BTLA: variants seen among roughly 807,000 people sequenced by gnomAD.
The protein encoded by BTLA is B- and T-lymphocyte attenuator.
BTLA carries 11 observed loss-of-function variants against 25.0 expected under a neutral mutation model. That is an observed-to-expected ratio of 0.44 (90% CI 0.28 to 0.73). The LOEUF (loss-of-function observed/expected upper bound fraction) is 0.73, where lower values mean the gene tolerates loss of function less well. Ranked by LOEUF, BTLA falls within the 30% of genes least tolerant of loss-of-function variation. The pLI is 0.15. For synonymous variants in BTLA, 104 were observed against 119.8 expected, an observed-to-expected ratio of 0.87 and a Z score of 0.86; for missense variants, 282 against 332.8, an observed-to-expected ratio of 0.85 and a Z score of 1.19.
intron 2 of BTLA, 44 bp from the exon 3 acceptor site, chr3:112,471,399 T>A: frequency 6.3e-7 from 1 of 1,597,246 alleles, no homozygotes; most frequent in Non-Finnish European, 8.6e-7. Context: ...AAATCTGAGA[T>A]ATATTGGGAT....
At chr3:112,475,109 C>T (rs1439807842) in intron 2 of BTLA, among the ~76,000 whole-genome samples, 6 of 152,008 alleles carry the variant, frequency 3.9e-5, no homozygotes, top group East Asian at 3.9e-4. Context: ...AATGATGGTG[C>T]GAGATGCTTA....
intron 1 of BTLA, among the ~76,000 whole-genome samples, chr3:112,484,018 A>G (rs1356668901): frequency 6.6e-6 from 1 of 152,066 alleles, no homozygotes; most frequent in Non-Finnish European, 1.5e-5. Context: ...GCAGAAGGTT[A>G]ACTTCAGCCG....
At chr3:112,476,968 C>T (rs146044538) in intron 2 of BTLA, among the ~76,000 whole-genome samples, 32 of 152,208 alleles carry the variant, frequency 2.1e-4, no homozygotes, top group African/African-American at 6.3e-4. Context: ...TTTTACTTAG[C>T]GTAATGCTTC....
chr3:112,484,893 T>C (rs79425223), intron 1 of BTLA, among the ~76,000 whole-genome samples: 5,006 of 152,254 alleles, frequency 0.033, 246 homozygotes, highest in African/African-American at 0.11. Flanking sequence ...CGATGATGAA[T>C]GTAGGCTTGC....
chr3:112,487,173 C>A (rs556492438), intron 1 of BTLA, among the ~76,000 whole-genome samples: 4 of 152,174 alleles, frequency 2.6e-5, no homozygotes, highest in Non-Finnish European at 5.9e-5. Flanking sequence ...TTGAAGTTTA[C>A]ATATATATCA....
At chr3:112,493,850 C>T (rs1450985905) in intron 1 of BTLA, among the ~76,000 whole-genome samples, 4 of 152,182 alleles carry the variant, frequency 2.6e-5, no homozygotes, top group Non-Finnish European at 4.4e-5. Flanking sequence ...CGGTGGCTCA[C>T]GCCTGTAATC....
intron 2 of BTLA, among the ~76,000 whole-genome samples, chr3:112,475,521 T>C (rs1169672953): frequency 6.6e-6 from 1 of 152,210 alleles, no homozygotes; most frequent in Non-Finnish European, 1.5e-5. Context: ...ACAGGCACCT[T>C]TATGCACTTT....
In BTLA at chr3:112,469,607, G is replaced by GTATATATA. The variant is rs60258722; in HGVS notation, c.594+143_594+150dup. On this transcript the variant is annotated intron_variant, in intron 4 of 4. Transcript: ENST00000334529. ...TTCACATTTTTAAAAATGGGTCTAT[G>GTATATATA]TATATATATATATATATATATATAT... 553 of 58,118 alleles carry GTATATATA rather than the reference G, an allele frequency of 9.5e-3. 21 individuals carry two copies. The highest frequency in any genetic ancestry group is 0.025 in the African/African-American group (343 of 13,874). 3.6% of individuals were successfully genotyped at this position (58,118 alleles called of 1,614,324 possible).
At position 112,466,202 on chromosome 3, in the gene BTLA, G is replaced by A. The variant is rs1235000044; in HGVS notation, c.776C>T (p.Ser259Phe). The A allele has an allele frequency of 6.2e-7, 1 of 1,613,932 alleles. No homozygotes were observed. The highest frequency in any genetic ancestry group is 1.7e-5 in the Admixed American group (1 of 59,998). ...EENKPGIVYA[S>F]LNHSVIGPNS... ...CGGTCCAATGACAGAATGGTTCAGGGAAGCATAAACAATGCCTGGTTTGTT... is the reference window on the plus strand; with the variant it reads ...CGGTCCAATGACAGAATGGTTCAGGAAAGCATAAACAATGCCTGGTTTGTT... Residue 259 changes from serine (S) to phenylalanine (F), a missense_variant, in exon 5 of 5, where the codon TCC (serine) becomes TTC (phenylalanine). This residue lies in a region of BTLA where 119 missense variants were observed against 102.3 expected (regional missense o/e 1.16). Coordinates refer to ENST00000334529, the MANE Select transcript of BTLA (RefSeq NM_181780.4).
At chr3:112,472,352 G>GTTT (rs578087069) in intron 2 of BTLA, among the ~76,000 whole-genome samples, 1 of 151,624 alleles carries the variant, frequency 6.6e-6, no homozygotes, top group African/African-American at 2.4e-5. Flanking sequence ...TGTTGTTGTT[G>GTTT]TTTTTTTTAA....
chr3:112,497,887 T>TA (rs1481510598), intron 1 of BTLA, among the ~76,000 whole-genome samples: 3 of 152,074 alleles, frequency 2.0e-5, no homozygotes, highest in Admixed American at 2.0e-4. Context: ...ACAGAATATT[T>TA]AAAACCTGAA....
chr3:112,468,392 T>C (rs780122599), intron 4 of BTLA, among the ~76,000 whole-genome samples: 1 of 152,230 alleles, frequency 6.6e-6, no homozygotes, highest in Non-Finnish European at 1.5e-5. Context: ...ACTAGTTTTA[T>C]GTTAAGAAAT....
rs182685508 is a variant in BTLA, at chr3:112,487,454, G to A, written c.89-7685C>T. Reference sequence around the variant, plus strand: ...TACAAAATTAGCTGGGTATGGTGGCGCATGCCTGTAATCCCAGCTACTCAG... The same window carrying A: ...TACAAAATTAGCTGGGTATGGTGGCACATGCCTGTAATCCCAGCTACTCAG... On this transcript the variant is annotated intron_variant, in intron 1 of 4. Coordinates refer to ENST00000334529, the MANE Select transcript of BTLA (RefSeq NM_181780.4). Among the ~76,000 whole-genome samples the A allele has an allele frequency of 2.8e-4, 42 of 152,186 alleles. 1 individual carries two copies. The highest frequency in any genetic ancestry group is 9.1e-4 in the African/African-American group (38 of 41,536).
intron 3 of BTLA, 170 bp from the exon 4 acceptor site, chr3:112,469,974 GCT>G: frequency 3.7e-6 from 2 of 539,314 alleles, no homozygotes; most frequent in South Asian, 2.2e-5. Flanking sequence ...ACACTGACCA[GCT>G]CTCTCTCTGG....
chr3:112,479,808 T>A lies in BTLA; in HGVS notation c.89-39A>T, dbSNP rs769515121. On this transcript the variant is annotated intron_variant, in intron 1 of 4. Transcript: ENST00000334529. ...ACAAAACTAAAATCAAATATGTTCT[T>A]CTGGAAGTACCATATATATGTGACT... 4.1e-5 allele frequency: 60 copies of A among 1,480,408 alleles called. No individual in the cohort carries two copies. In the African/African-American group the frequency reaches 6.9e-4, roughly 17 times the overall value. 91.7% of individuals were successfully genotyped at this position (1,480,408 alleles called of 1,614,324 possible). A position where few individuals can be genotyped will look rare whatever the true frequency, so the allele number is the denominator to read the frequency against.
chr3:112,489,453 A>C (rs995056922), intron 1 of BTLA, among the ~76,000 whole-genome samples: 2 of 152,210 alleles, frequency 1.3e-5, no homozygotes, highest in Non-Finnish European at 2.9e-5. Context: ...TATCATGAGG[A>C]AAATCTCACC....
chr3:112,469,215 G>A (rs934444706), intron 4 of BTLA, among the ~76,000 whole-genome samples: 1 of 152,140 alleles, frequency 6.6e-6, no homozygotes, highest in African/African-American at 2.4e-5. Context: ...AGTCTGAGTG[G>A]TCCCTTCCTT....
Position 112,464,341 on chromosome 3 carries a change from T to C in BTLA, c.*1767A>G. On this transcript the variant is annotated 3_prime_UTR_variant, in exon 5 of 5. Coordinates refer to ENST00000334529, the MANE Select transcript of BTLA (RefSeq NM_181780.4). The stretch of plus-strand genomic sequence containing the variant: ...AGAATCATGAAGGAACTGTTCAATT[T>C]CGTGTGTTCATCTGATAAGAGGACA... The C allele has an allele frequency of 5.1e-6, 2 of 388,578 alleles. No individual in the cohort carries two copies. Among genetic ancestry groups the C allele is most frequent in the Non-Finnish European group, 9.1e-6 (2 of 219,662 alleles). 24.1% of individuals were successfully genotyped at this position (388,578 alleles called of 1,614,324 possible). A position where few individuals can be genotyped will look rare whatever the true frequency, so the allele number is the denominator to read the frequency against.
intron 2 of BTLA, among the ~76,000 whole-genome samples, chr3:112,472,940 GT>G (rs1257898373): frequency 6.6e-6 from 1 of 151,776 alleles, no homozygotes; most frequent in Non-Finnish European, 1.5e-5. Flanking sequence ...GGGGACTAAG[GT>G]TTCTACAACA....
Sources: allele counts gnomAD v4.1 joint callset (sites outside exome capture counted in the v4.1 genomes callset), GRCh38; gene constraint gnomAD v4.1.1; regional missense constraint gnomAD v4.1.1; transcripts MANE v1.5; gene names NCBI Gene and HGNC (gene_info 2026-07-23, HGNC 2026-07-21).